The following VWA3B variants were observed in gnomAD, a reference collection of about 807,000 sequenced individuals.
VWA3B encodes the protein von Willebrand factor A domain-containing protein 3B.
A neutral mutation model predicts 158.3 loss-of-function variants in VWA3B; 138 were observed. That is an observed-to-expected ratio of 0.87 (90% confidence interval 0.76 to 1.00). VWA3B has a LOEUF of 1.00. Ranked by LOEUF, VWA3B falls within the 50% of genes least tolerant of loss-of-function variation. The probability of loss-of-function intolerance (pLI) is 0.00; values close to 1 mark genes in which losing one functional copy is unlikely to be tolerated. For synonymous variants in VWA3B, 596 were observed against 587.3 expected (o/e 1.01, Z -0.21); for missense variants, 1,555 against 1,565.1 (o/e 0.99, Z 0.11).
At chr2:98,261,432 A>C (rs1687472901) in intron 21 of VWA3B, among the ~76,000 whole-genome samples, 1 of 151,796 alleles carries the variant, frequency 6.6e-6, no homozygotes, top group Non-Finnish European at 1.5e-5. Flanking sequence ...AACAAAAGGA[A>C]TTACATACCA....
chr2:98,241,060 G>A (rs952255895), intron 19 of VWA3B, among the ~76,000 whole-genome samples: 1 of 152,112 alleles, frequency 6.6e-6, no homozygotes, highest in East Asian at 1.9e-4. Context: ...TAAATGTGAC[G>A]AGTGGGAAGT....
intron 24 of VWA3B, among the ~76,000 whole-genome samples, chr2:98,298,575 C>T (rs766955495): frequency 3.9e-5 from 6 of 152,110 alleles, no homozygotes; most frequent in Non-Finnish European, 7.3e-5. Flanking sequence ...ACGGTGATAC[C>T]GTAATGCACA....
intron 26 of VWA3B, among the ~76,000 whole-genome samples, chr2:98,310,743 C>T (rs1051772341): frequency 4.6e-5 from 7 of 152,158 alleles, no homozygotes; most frequent in African/African-American, 1.7e-4. Flanking sequence ...TCCACACAAG[C>T]GCTGGCCTCA....
chr2:98,297,077 C>CT (rs1252370411), intron 23 of VWA3B, among the ~76,000 whole-genome samples: 2 of 150,724 alleles, frequency 1.3e-5, no homozygotes, highest in African/African-American at 4.9e-5. Flanking sequence ...CTTCTTACCT[C>CT]TTTTTTCATT....
intron 12 of VWA3B, among the ~76,000 whole-genome samples, chr2:98,210,412 C>A (rs78499342): frequency 6.6e-6 from 1 of 152,142 alleles, no homozygotes; most frequent in African/African-American, 2.4e-5. Flanking sequence ...CATCCAACAC[C>A]ATCCTATGAA....
rs376919034 is a variant in VWA3B, at chr2:98,245,787, A to G, written c.2674-4531A>G. Among the ~76,000 whole-genome samples, 40 of 152,280 alleles carry G rather than the reference A, an allele frequency of 2.6e-4. No individual in the cohort carries two copies. In the South Asian group the frequency reaches 8.3e-3, roughly 32 times the overall value. ...TTCCAGGGAAAGAAAAACCCAAGGGACTTTCATTTTGTTGAGACTGATCCT... is the reference window on the plus strand; with the variant it reads ...TTCCAGGGAAAGAAAAACCCAAGGGGCTTTCATTTTGTTGAGACTGATCCT... On this transcript the variant is annotated intron_variant, in intron 19 of 27. Coordinates refer to ENST00000477737, the MANE Select transcript of VWA3B (RefSeq NM_144992.5).
chr2:98,147,858 A>ACCCCCC, intron 7 of VWA3B, among the ~76,000 whole-genome samples: 1 of 48,760 alleles, frequency 2.1e-5, no homozygotes. Context: ...CCCTCCCCCC[A>ACCCCCC]CCCCACGACA....
At chr2:98,123,391 GGAGTAGGGCTGAACCACGT>G (rs1464852693) in intron 5 of VWA3B, among the ~76,000 whole-genome samples, 1 of 152,198 alleles carries the variant, frequency 6.6e-6, no homozygotes, top group Non-Finnish European at 1.5e-5. Context: ...GCCCACATGA[GGAGTAGGGCTGAACCACGT>G]GCTTGGTCAT....
chr2:98,140,235 A>C (rs1676665170), intron 7 of VWA3B, among the ~76,000 whole-genome samples: 1 of 152,192 alleles, frequency 6.6e-6, no homozygotes, highest in Non-Finnish European at 1.5e-5. Flanking sequence ...AGAACCCACC[A>C]ATTCCGGACA....
chr2:98,217,894 A>T lies in VWA3B; in HGVS notation c.1885A>T (p.Ile629Phe). The change falls in exon 14 of 28, where the codon ATT (isoleucine) becomes TTT (phenylalanine). Residue 629 changes from isoleucine (I) to phenylalanine (F), a missense_variant. Transcript: ENST00000477737. ...DQVKRFQEIP[I>F]YTISFNYNDE... ...GGTCAAACGTTTTCAGGAAATTCCT[A>T]TTTATACCATCTCCTTCAATTACAA... The T allele has an allele frequency of 6.2e-7, 1 of 1,612,422 alleles. No homozygotes were observed. The highest frequency in any genetic ancestry group is 8.5e-7 in the Non-Finnish European group (1 of 1,179,352).
At chr2:98,295,466 TA>T (rs1689745811) in intron 23 of VWA3B, among the ~76,000 whole-genome samples, 1 of 152,172 alleles carries the variant, frequency 6.6e-6, no homozygotes, top group Non-Finnish European at 1.5e-5. Flanking sequence ...AAGGCCTCCA[TA>T]GGAGCACAGG....
At chr2:98,284,644 AG>A (rs1689063371) in intron 22 of VWA3B, among the ~76,000 whole-genome samples, 1 of 152,232 alleles carries the variant, frequency 6.6e-6, no homozygotes, top group Admixed American at 6.5e-5. Context: ...CACTGCAAAA[AG>A]GTGGCATCAA....
At chr2:98,145,108 G>A (rs148085587) in intron 7 of VWA3B, among the ~76,000 whole-genome samples, 171 of 152,288 alleles carry the variant, frequency 1.1e-3, no homozygotes, top group African/African-American at 3.8e-3. Context: ...AGTCCATTAA[G>A]TGTTAGGATT....
At position 98,165,527 on chromosome 2, in the gene VWA3B, C is replaced by G. The variant is rs1678994402; in HGVS notation, c.1114+2551C>G. The stretch of plus-strand genomic sequence containing the variant: ...CCAGGCTGCAGTGCCTCCTGGGTTA[C>G]AGAGGTGCAGAGGGCAGAGGGCAGG... On this transcript the variant is annotated intron_variant, in intron 8 of 27. Coordinates refer to ENST00000477737, the MANE Select transcript of VWA3B (RefSeq NM_144992.5). 6.6e-5 allele frequency among the ~76,000 whole-genome samples: 10 copies of G among 152,148 alleles called. 1 individual carries two copies. In the South Asian group the frequency reaches 2.1e-3, roughly 32 times the overall value.
chr2:98,092,266 T>C (rs1450366900), intron 1 of VWA3B, among the ~76,000 whole-genome samples: 1 of 152,224 alleles, frequency 6.6e-6, no homozygotes, highest in African/African-American at 2.4e-5. Flanking sequence ...GTGATTGTTA[T>C]TGGAATACAG....
At chr2:98,194,217 G>A (rs1681838483) in intron 11 of VWA3B, 144 bp from the exon 12 acceptor site, 1 of 680,122 alleles carries the variant, frequency 1.5e-6, no homozygotes. Context: ...ATACTAGATA[G>A]GATATTCTCT....
Position 98,125,244 on chromosome 2 carries a change from C to T in VWA3B, c.703-2995C>T, listed in dbSNP as rs1186036910. On this transcript the variant is annotated intron_variant, in intron 5 of 27. Transcript: ENST00000477737. The surrounding 1 kb of genome is among the most constrained non-coding windows in gnomAD (Gnocchi z 4.1). The stretch of plus-strand genomic sequence containing the variant: ...GGTATCTGGGGTAGGAGCCTGAACC[C>T]TTGGATGGTGGGGTAACCACAGAAG... Among the ~76,000 whole-genome samples, 1 of 152,194 alleles carries T rather than the reference C, an allele frequency of 6.6e-6. No homozygotes were observed. Among genetic ancestry groups the T allele is most frequent in the Non-Finnish European group, 1.5e-5 (1 of 68,014 alleles).
chr2:98,130,030 G>C (rs62154877), intron 6 of VWA3B, among the ~76,000 whole-genome samples: 10 of 152,042 alleles, frequency 6.6e-5, no homozygotes, highest in Non-Finnish European at 1.3e-4. Flanking sequence ...GATCCACACC[G>C]GCACCGGCCT....
chr2:98,225,234 A>G (rs926023885), intron 14 of VWA3B, among the ~76,000 whole-genome samples: 3 of 152,220 alleles, frequency 2.0e-5, no homozygotes, highest in Admixed American at 6.5e-5. Flanking sequence ...CCACCTGGCT[A>G]CTTGTTTTTG....
Sources: allele counts gnomAD v4.1 joint callset (sites outside exome capture counted in the v4.1 genomes callset), GRCh38; gene constraint gnomAD v4.1.1; non-coding constraint Gnocchi (gnomAD v3.1); transcripts MANE v1.5; gene names NCBI Gene and HGNC (gene_info 2026-07-23, HGNC 2026-07-21).